Variants in LGR4 observed in about 807,000 individuals in gnomAD.
The protein encoded by LGR4 is leucine rich repeat containing G protein-coupled receptor 4.
Under a neutral mutation model 84.8 loss-of-function variants are expected in LGR4, and 44 were observed. The observed-to-expected ratio is 0.52, with a 90% CI of 0.41 to 0.67. The LOEUF (loss-of-function observed/expected upper bound fraction) is 0.67. Ranked by LOEUF, LGR4 falls within the 30% of genes least tolerant of loss-of-function variation. LGR4 has a pLI of 0.00. For synonymous variants in LGR4, 429 were observed against 434.3 expected, an observed-to-expected ratio of 0.99 and a Z score of 0.15; for missense variants, 1,032 against 1,131.4, an observed-to-expected ratio of 0.91 and a Z score of 1.26.
In LGR4 at chr11:27,472,587, G is replaced by T. The variant is rs1460989755; in HGVS notation, c.-285C>A. 5.3e-6 allele frequency: 2 copies of T among 375,630 alleles called. No homozygotes were observed. The highest frequency in any genetic ancestry group is 4.2e-5 in the African/African-American group (2 of 47,568). 23.3% of individuals were successfully genotyped at this position (375,630 alleles called of 1,614,324 possible). A position where few individuals can be genotyped will look rare whatever the true frequency, so the allele number is the denominator to read the frequency against. ...GGCCCGGCGCAGCGGCGGGGGCCGC[G>T]CTCTGCCATCGCACCGGTCTCCCTG... On this transcript the variant is annotated 5_prime_UTR_variant, in exon 1 of 18. Transcript: ENST00000379214.
chr11:27,372,038 A>C (rs1404779601), intron 16 of LGR4, among the ~76,000 whole-genome samples: 1 of 151,976 alleles, frequency 6.6e-6, no homozygotes, highest in African/African-American at 2.4e-5. Context: ...CTAGTTTTAA[A>C]ATTTTTTATA....
At chr11:27,385,178 TA>T in intron 5 of LGR4, 74 bp downstream of exon 5, 1 of 1,088,806 alleles carries the variant, frequency 9.2e-7, no homozygotes, top group Non-Finnish European at 1.3e-6. Context: ...GCCTTGATAA[TA>T]ATCTGTCAGA....
chr11:27,388,940 T>G (rs1169920671), intron 4 of LGR4, among the ~76,000 whole-genome samples: 1 of 152,154 alleles, frequency 6.6e-6, no homozygotes, highest in Non-Finnish European at 1.5e-5. Context: ...TTTAACTTTA[T>G]GGGAGGCAAT....
At chr11:27,373,160 C>T (rs60566576) in intron 15 of LGR4, 1,666 of 153,404 alleles carry the variant, frequency 0.011, 21 homozygotes, top group African/African-American at 0.037. Flanking sequence ...CCACGCTCGG[C>T]CTCGTAACAA....
At chr11:27,398,616 G>T (rs961545671) in intron 2 of LGR4, among the ~76,000 whole-genome samples, 3 of 152,152 alleles carry the variant, frequency 2.0e-5, no homozygotes, top group African/African-American at 7.2e-5. Flanking sequence ...AAAGCAGAGG[G>T]AGACTACAGC....
rs1040498929 is a variant in LGR4, at chr11:27,384,379, G to C, written c.646C>G (p.Leu216Val). 2 of 1,611,024 alleles carry C rather than the reference G, an allele frequency of 1.2e-6. No homozygotes were observed. The highest frequency in any genetic ancestry group is 1.7e-6 in the Non-Finnish European group (2 of 1,178,008). ...AGTCCATCAAAACAGTGTTGACTCAGGCTTCTAATTTTATTGTTATGAAGA... is the reference window on the plus strand; with the variant it reads ...AGTCCATCAAAACAGTGTTGACTCACGCTTCTAATTTTATTGTTATGAAGA... ...LHLHNNKIRS[L>V]SQHCFDGLDN... Residue 216 changes from leucine (L) to valine (V), a missense_variant, in exon 6 of 18, where the codon CTG becomes GTG. By Grantham distance (32) the Leu-to-Val change is conservative. Coordinates refer to ENST00000379214, the MANE Select transcript of LGR4 (RefSeq NM_018490.5).
chr11:27,462,157 G>A (rs565637701), intron 1 of LGR4, among the ~76,000 whole-genome samples: 90 of 152,208 alleles, frequency 5.9e-4, no homozygotes, highest in Non-Finnish European at 1.1e-3. Flanking sequence ...TTTAATGAAA[G>A]TCCTCAGTGT....
At chr11:27,411,358 T>G (rs540710842) in intron 2 of LGR4, among the ~76,000 whole-genome samples, 1 of 151,978 alleles carries the variant, frequency 6.6e-6, no homozygotes, top group African/African-American at 2.4e-5. Flanking sequence ...AAAAATAACT[T>G]TATTACAAAA....
chr11:27,456,753 A>G (rs192789353), intron 1 of LGR4, among the ~76,000 whole-genome samples: 32 of 152,336 alleles, frequency 2.1e-4, no homozygotes, highest in African/African-American at 7.5e-4. Context: ...ACAAGTATGT[A>G]TAAAAAGCAA....
chr11:27,433,697 C>T (rs1864157462), intron 1 of LGR4, among the ~76,000 whole-genome samples: 1 of 152,188 alleles, frequency 6.6e-6, no homozygotes, highest in South Asian at 2.1e-4. Context: ...CATTCTATTC[C>T]TGTGCAAGTT....
intron 1 of LGR4, among the ~76,000 whole-genome samples, chr11:27,416,031 G>C (rs1348832409): frequency 6.6e-6 from 1 of 152,136 alleles, no homozygotes; most frequent in Non-Finnish European, 1.5e-5. Flanking sequence ...TAAGGAAGTT[G>C]TTTAAAGAAT....
intron 1 of LGR4, among the ~76,000 whole-genome samples, chr11:27,446,304 A>G (rs1447872572): frequency 6.6e-6 from 1 of 152,178 alleles, no homozygotes; most frequent in Non-Finnish European, 1.5e-5. Context: ...CCCATTTGTC[A>G]ACTTTGGCTT....
intron 1 of LGR4, among the ~76,000 whole-genome samples, chr11:27,434,127 C>A (rs1396876902): frequency 3.3e-5 from 5 of 152,188 alleles, no homozygotes; most frequent in African/African-American, 9.7e-5. Flanking sequence ...GGTGCCCATG[C>A]AGAATTCATG....
chr11:27,423,416 G>T (rs772907448), intron 1 of LGR4, among the ~76,000 whole-genome samples: 1 of 152,218 alleles, frequency 6.6e-6, no homozygotes. Context: ...GCGATGAGGC[G>T]TGCAGACTCC....
At chr11:27,425,080 G>A (rs1016563866) in intron 1 of LGR4, among the ~76,000 whole-genome samples, 2 of 152,066 alleles carry the variant, frequency 1.3e-5, no homozygotes, top group Non-Finnish European at 2.9e-5. Flanking sequence ...CCAGTATATC[G>A]ATCCCCTCTG....
intron 2 of LGR4, among the ~76,000 whole-genome samples, chr11:27,406,609 C>CT (rs1432193117): frequency 6.6e-6 from 1 of 152,142 alleles, no homozygotes; most frequent in Non-Finnish European, 1.5e-5. Context: ...AATCTCTACT[C>CT]TGAGAGCTCC....
chr11:27,439,763 C>T (rs1166380890), intron 1 of LGR4, among the ~76,000 whole-genome samples: 2 of 152,164 alleles, frequency 1.3e-5, no homozygotes, highest in Non-Finnish European at 2.9e-5. Flanking sequence ...CTCCACTTCC[C>T]TCCCTGTACC....
chr11:27,386,579 G>A (rs979318891), intron 4 of LGR4, among the ~76,000 whole-genome samples: 1 of 152,002 alleles, frequency 6.6e-6, no homozygotes, highest in Non-Finnish European at 1.5e-5. Flanking sequence ...AGTGGTTTTT[G>A]TGCCTCCTGT....
At chr11:27,392,820 C>T (rs1863312092) in intron 2 of LGR4, among the ~76,000 whole-genome samples, 1 of 152,166 alleles carries the variant, frequency 6.6e-6, no homozygotes. Flanking sequence ...TTCATGGTCA[C>T]TCTGCAGCTT....
Sources: gnomAD v4.1 joint callset for allele counts (sites outside exome capture counted in the v4.1 genomes callset) on GRCh38, gnomAD v4.1.1 for gene constraint, MANE v1.5 for transcripts, NCBI Gene and HGNC (gene_info 2026-07-23, HGNC 2026-07-21) for gene names.